The following ATXN7L1 variants were observed in gnomAD, a reference collection of about 807,000 sequenced individuals.
ATXN7L1 encodes the protein ataxin-7-like protein 1.
A neutral mutation model predicts 70.8 loss-of-function variants in ATXN7L1; 15 were observed. The observed-to-expected ratio is 0.21, with a 90% confidence interval of 0.14 to 0.33. The LOEUF is 0.33. Ranked by LOEUF, ATXN7L1 falls within the 10% of genes least tolerant of loss-of-function variation. The probability of loss-of-function intolerance (pLI) is 1.00; values close to 1 mark genes in which losing one functional copy is unlikely to be tolerated. For synonymous variants in ATXN7L1, 440 were observed against 445.1 expected, an observed-to-expected ratio of 0.99 and a Z score of 0.14; for missense variants, 975 against 1,097.1, an observed-to-expected ratio of 0.89 and a Z score of 1.57.
chr7:105,615,817 C>T (rs1190423713), intron 9 of ATXN7L1, among the ~76,000 whole-genome samples: 1 of 152,100 alleles, frequency 6.6e-6, no homozygotes, highest in African/African-American at 2.4e-5. Flanking sequence ...CTGGGGGGTA[C>T]CTCAGAGCAA....
At position 105,867,304 on chromosome 7, in the gene ATXN7L1, A is replaced by G. The variant is rs185517403; in HGVS notation, c.250+8508T>C. Among the ~76,000 whole-genome samples, 13 of 152,378 alleles carry G rather than the reference A, an allele frequency of 8.5e-5. No homozygotes were observed. In the East Asian group the frequency reaches 2.3e-3, roughly 27 times the overall value. ...CATATCCCGTGGGTAATCAAACTGC[A>G]GAGAACGCCAGTTGTATTTTCAGCC... On this transcript the variant is annotated intron_variant, in intron 2 of 11. Transcript: ENST00000419735.
Position 105,718,760 on chromosome 7 carries a change from C to T in ATXN7L1, c.356-53472G>A, listed in dbSNP as rs644689. Among the ~76,000 whole-genome samples, 1,141 of 152,350 alleles carry T rather than the reference C, an allele frequency of 7.5e-3. 22 individuals are homozygous for T. Among genetic ancestry groups the T allele is most frequent in the African/African-American group, 0.026 (1,070 of 41,566 alleles). On this transcript the variant is annotated intron_variant, in intron 3 of 11. Coordinates refer to ENST00000419735, the MANE Select transcript of ATXN7L1 (RefSeq NM_020725.2). ...TCAGGTCAGATGTCCACCATTCACA[C>T]GGGCTCTTTGTCTGCCAAGGCCTGG... is the stretch of plus-strand genomic sequence containing the variant.
chr7:105,868,225 C>G (rs1332433637), intron 2 of ATXN7L1, among the ~76,000 whole-genome samples: 1 of 152,184 alleles, frequency 6.6e-6, no homozygotes, highest in African/African-American at 2.4e-5. Flanking sequence ...GCCCCCCCAC[C>G]ATGACCTCCA....
intron 11 of ATXN7L1, among the ~76,000 whole-genome samples, chr7:105,610,033 A>C (rs1452726365): frequency 1.3e-5 from 2 of 152,086 alleles, no homozygotes; most frequent in Non-Finnish European, 2.9e-5. Context: ...AGCCTCCCAA[A>C]GTGTTGGGAC....
Position 105,614,271 on chromosome 7 carries a change from G to C in ATXN7L1, c.2063C>G (p.Ser688Cys). ...GTTATAGGGAGGGGCCGCCTGATAG[G>C]AGTTCAAAGCAGAACTGGCATTCAA... ...CVLNASSALN[S>C]YQAAPPYNSL... Residue 688 changes from serine to cysteine, a missense_variant, in exon 10 of 12, where the codon TCC becomes TGC. Physicochemically the swap from Ser to Cys is moderately radical, Grantham distance 112 (BLOSUM62 -1). Around this residue, in one of 5 missense-constraint regions of ATXN7L1, gnomAD observed 635 missense variants for 699.4 expected, o/e 0.91. Transcript: ENST00000419735. The surrounding 1 kb of genome is among the most constrained non-coding windows in gnomAD (Gnocchi z 4.3). 6.4e-7 allele frequency: 1 copy of C among 1,551,828 alleles called. No individual in the cohort carries two copies.
intron 2 of ATXN7L1, among the ~76,000 whole-genome samples, chr7:105,798,957 G>A (rs561570072): frequency 2.0e-5 from 3 of 152,316 alleles, no homozygotes; most frequent in Non-Finnish European, 2.9e-5. Context: ...GATGAGAAAC[G>A]CAGTTCTCAC....
intron 1 of ATXN7L1, 66 bp from the exon 2 acceptor site, chr7:105,875,946 A>AG (rs1175314158): frequency 6.0e-6 from 8 of 1,333,370 alleles, no homozygotes; most frequent in African/African-American, 5.8e-5. Context: ...GCCAAAGTCA[A>AG]GGGGGGAGGG....
chr7:105,771,867 G>A (rs895181302), intron 3 of ATXN7L1, among the ~76,000 whole-genome samples: 5 of 151,760 alleles, frequency 3.3e-5, no homozygotes, highest in African/African-American at 4.9e-5. Flanking sequence ...CAAGATACCA[G>A]GGGGAAAAAT....
At chr7:105,870,736 G>A (rs1204053646) in intron 2 of ATXN7L1, among the ~76,000 whole-genome samples, 2 of 152,176 alleles carry the variant, frequency 1.3e-5, no homozygotes, top group Admixed American at 6.5e-5. Flanking sequence ...ATTTGAAAAG[G>A]TTAGCACAGA....
chr7:105,665,097 A>T lies in ATXN7L1; in HGVS notation c.547T>A (p.Phe183Ile). The T allele has an allele frequency of 6.4e-7, 1 of 1,551,536 alleles. No homozygotes were observed. The highest frequency in any genetic ancestry group is 8.7e-7 in the Non-Finnish European group (1 of 1,146,990). Residue 183 changes from phenylalanine to isoleucine, a missense_variant, in exon 4 of 12, where the codon TTT becomes ATT. Physicochemically the swap from Phe to Ile is conservative, Grantham distance 21. Around this residue, in one of 5 missense-constraint regions of ATXN7L1, gnomAD observed 192 missense variants for 215.5 expected, o/e 0.89. Coordinates refer to ENST00000419735, the MANE Select transcript of ATXN7L1 (RefSeq NM_020725.2). Reference sequence around the variant, plus strand: ...TTATCCCTTGATCCTTTCGCAGGAAAGACTGTGTGCTGTTTGCTGCTGGAG... The same window carrying T: ...TTATCCCTTGATCCTTTCGCAGGAATGACTGTGTGCTGTTTGCTGCTGGAG... ...LTSSSKQHTVFPAKGSRDKPC... is the reference protein window; with the variant it reads ...LTSSSKQHTVIPAKGSRDKPC...
Position 105,875,882 on chromosome 7 carries a change from T to G in ATXN7L1, c.182-2A>C. On this transcript the variant is annotated splice_acceptor_variant, in intron 1 of 11. Coordinates refer to ENST00000419735, the MANE Select transcript of ATXN7L1 (RefSeq NM_020725.2). LOFTEE classifies it high-confidence loss of function. ...TTCCAGCCTCTTCTAAATCTACATC[T>G]GCAGATGAAAAAGAAAAGGAAAACA... is the stretch of plus-strand genomic sequence containing the variant. 3.1e-6 allele frequency: 5 copies of G among 1,607,606 alleles called. No individual in the cohort carries two copies. The highest frequency in any genetic ancestry group is 4.2e-6 in the Non-Finnish European group (5 of 1,177,040).
At chr7:105,816,992 A>G (rs1366206994) in intron 2 of ATXN7L1, among the ~76,000 whole-genome samples, 1 of 152,168 alleles carries the variant, frequency 6.6e-6, no homozygotes, top group Non-Finnish European at 1.5e-5. Context: ...TATTTAGCGG[A>G]GAGCTTCTCC....
intron 4 of ATXN7L1, among the ~76,000 whole-genome samples, chr7:105,647,610 G>A (rs557896489): frequency 2.0e-4 from 30 of 152,348 alleles, no homozygotes; most frequent in South Asian, 1.7e-3. Context: ...TGGCGCCATT[G>A]CACTCCAGCT....
intron 3 of ATXN7L1, among the ~76,000 whole-genome samples, chr7:105,778,898 C>T (rs555928302): frequency 6.6e-6 from 1 of 152,336 alleles, no homozygotes; most frequent in Admixed American, 6.5e-5. Context: ...TTCTCCTTCT[C>T]CCTTACCTCA....
intron 3 of ATXN7L1, among the ~76,000 whole-genome samples, chr7:105,747,412 A>G (rs960368677): frequency 6.6e-6 from 1 of 152,082 alleles, no homozygotes; most frequent in African/African-American, 2.4e-5. Flanking sequence ...AGGGTGGCAC[A>G]CTCTAGCTCC....
chr7:105,636,955 C>T (rs891229038), intron 7 of ATXN7L1, among the ~76,000 whole-genome samples: 1 of 152,184 alleles, frequency 6.6e-6, no homozygotes, highest in East Asian at 1.9e-4. Context: ...AAGCCCCTTC[C>T]AGAAGTTTGG....
At chr7:105,792,109 C>T (rs1024012860) in intron 2 of ATXN7L1, among the ~76,000 whole-genome samples, 2 of 152,214 alleles carry the variant, frequency 1.3e-5, no homozygotes, top group African/African-American at 4.8e-5. Context: ...CCCACCCCCA[C>T]AGTCACACAC....
intron 3 of ATXN7L1, among the ~76,000 whole-genome samples, chr7:105,733,901 C>T (rs1278375012): frequency 7.1e-6 from 1 of 140,576 alleles, no homozygotes; most frequent in African/African-American, 2.6e-5. Context: ...TCCATCCATC[C>T]ATCATCCATC....
At chr7:105,625,545 C>G (rs761849274) in intron 7 of ATXN7L1, among the ~76,000 whole-genome samples, 1 of 152,194 alleles carries the variant, frequency 6.6e-6, no homozygotes, top group Non-Finnish European at 1.5e-5. Context: ...GCCACCGTGC[C>G]CAGCTTCAAT....
Sources: gnomAD v4.1 joint callset for allele counts (sites outside exome capture counted in the v4.1 genomes callset) on GRCh38, gnomAD v4.1.1 for gene constraint, gnomAD v4.1.1 regional missense constraint, Gnocchi (gnomAD v3.1) non-coding constraint, MANE v1.5 for transcripts, NCBI Gene and HGNC (gene_info 2026-07-23, HGNC 2026-07-21) for gene names.